RGS17: variants seen among roughly 807,000 people sequenced by gnomAD.
The protein encoded by RGS17 is regulator of G protein signaling 17.
In RGS17, 12 loss-of-function variants were observed where a neutral mutation model predicts 25.5. That is an observed-to-expected ratio of 0.47 (90% CI 0.30 to 0.76). The LOEUF (loss-of-function observed/expected upper bound fraction) is 0.76. Among genes scored for constraint, RGS17 ranks in the 30% least tolerant of loss-of-function variants. The pLI is 0.07. For synonymous variants in RGS17, 71 were observed against 76.9 expected, an observed-to-expected ratio of 0.92 and a Z score of 0.40; for missense variants, 196 against 242.2, an observed-to-expected ratio of 0.81 and a Z score of 1.27.
intron 1 of RGS17, among the ~76,000 whole-genome samples, chr6:153,115,313 A>C (rs1427514594): frequency 6.6e-6 from 1 of 152,214 alleles, no homozygotes; most frequent in Non-Finnish European, 1.5e-5. Context: ...CCAAATCATG[A>C]GTGTACTCCC....
intron 1 of RGS17, among the ~76,000 whole-genome samples, chr6:153,116,780 T>A (rs1030244888): frequency 1.4e-4 from 21 of 152,082 alleles, no homozygotes; most frequent in African/African-American, 4.3e-4. Flanking sequence ...TGCAGGGACA[T>A]GGATGAAGCT....
chr6:153,043,817 C>G (rs1169591411), intron 2 of RGS17, 83 bp downstream of exon 2: 1 of 767,788 alleles, frequency 1.3e-6, no homozygotes, highest in East Asian at 2.8e-5. Context: ...TGAGCAGTTT[C>G]TACAGTTCTG....
chr6:153,015,309 T>G lies in RGS17; in HGVS notation c.445-3547A>C, dbSNP rs547405733. 5.9e-5 allele frequency among the ~76,000 whole-genome samples: 9 copies of G among 152,336 alleles called. No homozygotes were observed. The East Asian group carries it at 1.4e-3, about 23-fold the overall frequency. On this transcript the variant is annotated intron_variant, in intron 4 of 4. Transcript: ENST00000206262. ...GATTGACTCCTATTTTGAAAGAAGC[T>G]CTACTGTGGGTAAAATGCTACCAAA...
intron 1 of RGS17, among the ~76,000 whole-genome samples, chr6:153,059,277 G>T (rs533722540): frequency 6.6e-6 from 1 of 152,174 alleles, no homozygotes; most frequent in African/African-American, 2.4e-5. Context: ...TATATCTATT[G>T]GTCGCATTTA....
chr6:153,037,673 C>T (rs1328741317), intron 2 of RGS17, among the ~76,000 whole-genome samples: 1 of 152,036 alleles, frequency 6.6e-6, no homozygotes, highest in Admixed American at 6.5e-5. Flanking sequence ...ATCCACCCAC[C>T]TCGGCCTCCC....
chr6:153,056,846 G>C (rs1776568072), intron 1 of RGS17, among the ~76,000 whole-genome samples: 1 of 33,698 alleles, frequency 3.0e-5, no homozygotes, highest in South Asian at 7.8e-4. Flanking sequence ...GGCTGTGTGT[G>C]TGTGTGTGTG....
chr6:153,072,956 T>C (rs564821589), intron 1 of RGS17, among the ~76,000 whole-genome samples: 2 of 152,286 alleles, frequency 1.3e-5, no homozygotes, highest in South Asian at 2.1e-4. Context: ...ATATGTCTTA[T>C]GGCTTATAAC....
At chr6:153,115,480 G>A (rs604278) in intron 1 of RGS17, among the ~76,000 whole-genome samples, 15,953 of 152,128 alleles carry the variant, frequency 0.1, 900 homozygotes, top group Admixed American at 0.16. Context: ...AATCAATATC[G>A]TGAAAACAGC....
chr6:153,033,718 A>T (rs955937483), intron 2 of RGS17, among the ~76,000 whole-genome samples: 2 of 152,074 alleles, frequency 1.3e-5, no homozygotes, highest in African/African-American at 4.8e-5. Flanking sequence ...ACTTCATCTC[A>T]AAATAAATAA....
chr6:153,019,606 G>C (rs1043391508), intron 4 of RGS17, among the ~76,000 whole-genome samples: 6 of 152,126 alleles, frequency 3.9e-5, no homozygotes, highest in Admixed American at 2.6e-4. Flanking sequence ...GAATTCTTGC[G>C]AGATCTGGTT....
chr6:153,011,966 C>A (rs1779138412), intron 4 of RGS17, among the ~76,000 whole-genome samples: 1 of 151,960 alleles, frequency 6.6e-6, no homozygotes, highest in African/African-American at 2.4e-5. Context: ...CCAATTAAGT[C>A]TTTTAAACCA....
chr6:153,072,401 C>T lies in RGS17; in HGVS notation c.-25-28358G>A, dbSNP rs189403455. Among the ~76,000 whole-genome samples, 55 of 152,216 alleles carry T rather than the reference C, an allele frequency of 3.6e-4. 8 individuals are homozygous for T. The highest frequency in any genetic ancestry group is 2.0e-3 in the Admixed American group (31 of 15,266). ...TATAATTAAATAGAAATGGGATGCA[C>T]GTAGCTCTTCTTTTATTGAGGAGTT... is the stretch of plus-strand genomic sequence containing the variant. On this transcript the variant is annotated intron_variant, in intron 1 of 4. Coordinates refer to ENST00000206262, the MANE Select transcript of RGS17 (RefSeq NM_012419.5).
chr6:153,083,335 G>C (rs959908847), intron 1 of RGS17, among the ~76,000 whole-genome samples: 4 of 152,168 alleles, frequency 2.6e-5, no homozygotes, highest in African/African-American at 9.7e-5. Flanking sequence ...TCAGGAAATA[G>C]AGTAAAGAAA....
chr6:153,078,403 A>G (rs1776918546), intron 1 of RGS17, among the ~76,000 whole-genome samples: 1 of 152,132 alleles, frequency 6.6e-6, no homozygotes, highest in Non-Finnish European at 1.5e-5. Context: ...GTCCATGAAC[A>G]TGGTATCTCT....
intron 1 of RGS17, among the ~76,000 whole-genome samples, chr6:153,083,060 G>A (rs1456085350): frequency 6.6e-6 from 1 of 152,082 alleles, no homozygotes; most frequent in Non-Finnish European, 1.5e-5. Flanking sequence ...TTTTTAGCTT[G>A]GCTTTGTAGA....
intron 2 of RGS17, among the ~76,000 whole-genome samples, chr6:153,040,877 G>C (rs1484363767): frequency 6.6e-6 from 1 of 151,892 alleles, no homozygotes; most frequent in Non-Finnish European, 1.5e-5. Flanking sequence ...TAAGTGGCCA[G>C]GCACAGTGGC....
Position 153,007,587 on chromosome 6 carries a change from T to A in RGS17, c.*3987A>T, listed in dbSNP as rs1355335979. On this transcript the variant is annotated 3_prime_UTR_variant, in exon 5 of 5. Transcript: ENST00000206262. ...TTCTGTCTAAGACTTAAAAATATTA[T>A]TATTATAATTATTATTATTATTTTG... 1.3e-5 allele frequency: 2 copies of A among 151,760 alleles called. No individual in the cohort carries two copies. The highest frequency in any genetic ancestry group is 4.2e-4 in the South Asian group (2 of 4,804). The allele number at this position is 151,760 out of a possible 1,614,324, so 9.4% of individuals were successfully genotyped here.
intron 1 of RGS17, among the ~76,000 whole-genome samples, chr6:153,076,114 A>T (rs1182094877): frequency 6.6e-6 from 1 of 152,176 alleles, no homozygotes; most frequent in African/African-American, 2.4e-5. Context: ...TAAATTGTTA[A>T]TATAACTATA....
At chr6:153,086,571 C>T (rs1298445378) in intron 1 of RGS17, among the ~76,000 whole-genome samples, 1 of 152,192 alleles carries the variant, frequency 6.6e-6, no homozygotes, top group African/African-American at 2.4e-5. Context: ...TGTGCTTACA[C>T]ACCATTATTA....
Sources: gnomAD v4.1 joint callset for allele counts (sites outside exome capture counted in the v4.1 genomes callset) on GRCh38, gnomAD v4.1.1 for gene constraint, MANE v1.5 for transcripts, NCBI Gene and HGNC (gene_info 2026-07-23, HGNC 2026-07-21) for gene names.